The following SPOPL variants were observed in gnomAD, a reference collection of about 807,000 sequenced individuals.
SPOPL encodes speckle-type POZ protein-like.
SPOPL carries 23 observed loss-of-function variants against 53.8 expected under a neutral mutation model. That is an observed-to-expected ratio of 0.43 (90% confidence interval 0.31 to 0.61). The LOEUF (loss-of-function observed/expected upper bound fraction) is 0.61, where lower values mean the gene tolerates loss of function less well. Among genes scored for constraint, SPOPL ranks in the 20% least tolerant of loss-of-function variants. The pLI, the probability that SPOPL is intolerant of heterozygous loss-of-function variation, is 0.12. For synonymous variants in SPOPL, 164 were observed against 149.7 expected (o/e 1.10, Z -0.70); for missense variants, 442 against 466.9 (o/e 0.95, Z 0.49).
intron 1 of SPOPL, among the ~76,000 whole-genome samples, chr2:138,540,799 G>C (rs1414306000): frequency 1.3e-5 from 2 of 152,176 alleles, no homozygotes; most frequent in Non-Finnish European, 2.9e-5. Flanking sequence ...AGTGGTGAGG[G>C]AGGCCATCCC....
At chr2:138,517,645 C>T (rs780008436) in intron 1 of SPOPL, among the ~76,000 whole-genome samples, 7 of 151,278 alleles carry the variant, frequency 4.6e-5, no homozygotes, top group Admixed American at 2.0e-4. Flanking sequence ...GAGGCTGAGG[C>T]AGGAGAATGG....
At chr2:138,507,897 A>G (rs1684248635) in intron 1 of SPOPL, among the ~76,000 whole-genome samples, 1 of 152,224 alleles carries the variant, frequency 6.6e-6, no homozygotes, top group African/African-American at 2.4e-5. Context: ...ATCTATACTT[A>G]CAGGTTCATT....
At chr2:138,556,634 A>G (rs1329777422) in intron 5 of SPOPL, among the ~76,000 whole-genome samples, 1 of 152,232 alleles carries the variant, frequency 6.6e-6, no homozygotes, top group African/African-American at 2.4e-5. Flanking sequence ...GGTAAGGATT[A>G]GTGAAACTTT....
chr2:138,565,466 G>C (rs1685640662), intron 10 of SPOPL, among the ~76,000 whole-genome samples: 1 of 152,122 alleles, frequency 6.6e-6, no homozygotes, highest in Non-Finnish European at 1.5e-5. Context: ...GTAGCAATTT[G>C]ATATTCCCTT....
rs563623833 is a variant in SPOPL at position 138,537,230 on chromosome 2, C to T, written c.-60-12927C>T. On this transcript the variant is annotated intron_variant, in intron 1 of 10. Transcript: ENST00000280098. Reference sequence around the variant, plus strand: ...AAGGACTTTATTCGGCTGGGAGCATCGGCAGACTTACATCTCAAACAACCG... The same window carrying T: ...AAGGACTTTATTCGGCTGGGAGCATTGGCAGACTTACATCTCAAACAACCG... Among the ~76,000 whole-genome samples the T allele has an allele frequency of 5.3e-5, 8 of 152,214 alleles. No homozygotes were observed. The East Asian group carries it at 5.8e-4, about 11-fold the overall frequency.
At position 138,565,087 on chromosome 2, in the gene SPOPL, C is replaced by G. The variant is rs564130709; in HGVS notation, c.1034+94C>G. ...TTGTTCATCTACAATAAGTATGAAT[C>G]CAAATGTTACATGAAGCAAACTGCC... On this transcript the variant is annotated intron_variant, in intron 10 of 10. Transcript: ENST00000280098. The G allele has an allele frequency of 2.1e-6, 3 of 1,452,916 alleles. No individual in the cohort carries two copies. In the Admixed American group the frequency reaches 5.7e-5, roughly 28 times the overall value. 90.0% of individuals were successfully genotyped at this position (1,452,916 alleles called of 1,614,324 possible).
chr2:138,525,662 A>AAAAAAAAAAAAAAAAAAAAC (rs1684656620), intron 1 of SPOPL, among the ~76,000 whole-genome samples: 1 of 104,576 alleles, frequency 9.6e-6, no homozygotes, highest in Non-Finnish European at 2.0e-5. Flanking sequence ...AGTAGAAAAA[A>AAAAAAAAAAAAAAAAAAAAC]AAAAAAAAAA....
rs148299384 is a variant in SPOPL at position 138,572,093 on chromosome 2, A to G, written c.*3013A>G. On this transcript the variant is annotated 3_prime_UTR_variant, in exon 11 of 11. Coordinates refer to ENST00000280098, the MANE Select transcript of SPOPL (RefSeq NM_001001664.3). ...GTGTGTGGTATGTTACAAAGAGTGA[A>G]TTTCTGGAAATAGAAATCAGTTAAA... The G allele has an allele frequency of 1.8e-4, 27 of 152,498 alleles. No homozygotes were observed. The highest frequency in any genetic ancestry group is 6.5e-4 in the African/African-American group (27 of 41,514). The allele number at this position is 152,498 out of a possible 1,614,324, so 9.4% of individuals were successfully genotyped here. A position where few individuals can be genotyped will look rare whatever the true frequency, so the allele number is the denominator to read the frequency against.
intron 1 of SPOPL, among the ~76,000 whole-genome samples, chr2:138,505,738 G>A (rs905665011): frequency 6.6e-6 from 1 of 151,710 alleles, no homozygotes; most frequent in African/African-American, 2.4e-5. Flanking sequence ...TCCAACCTGA[G>A]CAACAGAGTG....
rs572255855 is a variant in SPOPL, at chr2:138,556,040, T to C, written c.481-2982T>C. Among the ~76,000 whole-genome samples, 16 of 152,302 alleles carry C rather than the reference T, an allele frequency of 1.1e-4. No homozygotes were observed. The East Asian group carries it at 2.5e-3, about 24-fold the overall frequency. ...CAAATTTTTAACATTTTCTTAAATA[T>C]AGGTGTCAAGAAAATAATCAGAATC... is the stretch of plus-strand genomic sequence containing the variant. On this transcript the variant is annotated intron_variant, in intron 5 of 10. Coordinates refer to ENST00000280098, the MANE Select transcript of SPOPL (RefSeq NM_001001664.3).
chr2:138,571,153 G>T lies in SPOPL; in HGVS notation c.*2073G>T, dbSNP rs2104911973. On this transcript the variant is annotated 3_prime_UTR_variant, in exon 11 of 11. Transcript: ENST00000280098. Reference sequence around the variant, plus strand: ...TTTCCAGTTTTAAGATTTTGCGAGGGTCTTATAAGAAAACAAAAATTCCCT... The same window carrying T: ...TTTCCAGTTTTAAGATTTTGCGAGGTTCTTATAAGAAAACAAAAATTCCCT... 6.6e-6 allele frequency: 1 copy of T among 152,124 alleles called. No individual in the cohort carries two copies. Among genetic ancestry groups the T allele is most frequent in the Middle Eastern group, 3.4e-3 (1 of 294 alleles). The allele number at this position is 152,124 out of a possible 1,614,324, so 9.4% of individuals were successfully genotyped here.
chr2:138,567,374 TG>T (rs1328328407), intron 10 of SPOPL, among the ~76,000 whole-genome samples: 7 of 7,456 alleles, frequency 9.4e-4, no homozygotes, highest in Non-Finnish European at 1.4e-3. Context: ...AGCAGTATAG[TG>T]TGTGTGTGTG....
At chr2:138,545,640 C>T (rs778757171) in intron 1 of SPOPL, among the ~76,000 whole-genome samples, 23 of 152,056 alleles carry the variant, frequency 1.5e-4, no homozygotes, top group Non-Finnish European at 2.8e-4. Flanking sequence ...AGGGTTTCAC[C>T]GTGTTAGCCA....
chr2:138,546,986 G>A (rs1053915546), intron 1 of SPOPL, among the ~76,000 whole-genome samples: 4 of 151,984 alleles, frequency 2.6e-5, no homozygotes, highest in African/African-American at 9.7e-5. Context: ...TTATTTTTGA[G>A]ATGGAGTCTC....
chr2:138,524,587 A>G (rs1170975386), intron 1 of SPOPL, among the ~76,000 whole-genome samples: 1 of 152,156 alleles, frequency 6.6e-6, no homozygotes, highest in Non-Finnish European at 1.5e-5. Flanking sequence ...CACCCAGGTC[A>G]CCTCTTCAAT....
intron 1 of SPOPL, 22 bp from the exon 2 acceptor site, chr2:138,550,135 A>T (rs754701216): frequency 1.8e-4 from 238 of 1,316,116 alleles, no homozygotes; most frequent in Non-Finnish European, 2.5e-4. Context: ...TAATCAGTAC[A>T]TCAAACTTCT....
At chr2:138,515,312 G>A (rs745780476) in intron 1 of SPOPL, among the ~76,000 whole-genome samples, 1 of 152,140 alleles carries the variant, frequency 6.6e-6, no homozygotes, top group African/African-American at 2.4e-5. Context: ...GCTGGAATGC[G>A]CTTGTTCTTA....
chr2:138,542,587 A>G (rs1333387359), intron 1 of SPOPL, among the ~76,000 whole-genome samples: 2 of 151,822 alleles, frequency 1.3e-5, no homozygotes, highest in South Asian at 2.1e-4. Context: ...CCATTTGCTT[A>G]ATAGATCTTC....
Position 138,570,152 on chromosome 2 carries a change from A to C in SPOPL, c.*1072A>C, listed in dbSNP as rs1350402145. 1 of 152,194 alleles carries C rather than the reference A, an allele frequency of 6.6e-6. No individual in the cohort carries two copies. Among genetic ancestry groups the C allele is most frequent in the African/African-American group, 2.4e-5 (1 of 41,438 alleles). 9.4% of individuals were successfully genotyped at this position (152,194 alleles called of 1,614,324 possible). A position where few individuals can be genotyped will look rare whatever the true frequency, so the allele number is the denominator to read the frequency against. ...CTCCTATTTTCTCACACTTTGGAAA[A>C]GACACCTGAACAATAAATGAATCCT... is the stretch of plus-strand genomic sequence containing the variant. On this transcript the variant is annotated 3_prime_UTR_variant, in exon 11 of 11. Coordinates refer to ENST00000280098, the MANE Select transcript of SPOPL (RefSeq NM_001001664.3).
Sources: allele counts gnomAD v4.1 joint callset (sites outside exome capture counted in the v4.1 genomes callset), GRCh38; gene constraint gnomAD v4.1.1; transcripts MANE v1.5; gene names NCBI Gene and HGNC (gene_info 2026-07-23, HGNC 2026-07-21).